Variants in RHOQ observed in about 807,000 individuals in gnomAD.
The protein encoded by RHOQ is rho-related GTP-binding protein RhoQ.
A neutral mutation model predicts 25.8 loss-of-function variants in RHOQ; 7 were observed. The ratio of observed to expected loss-of-function variants is 0.27; its 90% CI spans 0.15 to 0.51. RHOQ has a LOEUF of 0.51. Ranked by LOEUF, RHOQ falls within the 20% of genes least tolerant of loss-of-function variation. RHOQ has a pLI of 0.97. For missense variants in RHOQ, 165 were observed against 260.6 expected (o/e 0.63, Z 2.53); for synonymous variants, 97 against 98.6 (o/e 0.98, Z 0.10).
intron 2 of RHOQ, among the ~76,000 whole-genome samples, chr2:46,561,794 A>G (rs977360101): frequency 6.6e-6 from 1 of 152,154 alleles, no homozygotes; most frequent in Non-Finnish European, 1.5e-5. Flanking sequence ...GGTAGGTCAT[A>G]CTGTCTACCC....
intron 2 of RHOQ, among the ~76,000 whole-genome samples, chr2:46,544,847 A>G (rs1667996148): frequency 1.3e-5 from 2 of 152,262 alleles, no homozygotes; most frequent in Non-Finnish European, 2.9e-5. Context: ...GTTTAAAAAA[A>G]TAAGATGATC....
In RHOQ at chr2:46,576,477, G is replaced by A. The variant is rs1669132790; in HGVS notation, c.367-84G>A. 2.2e-6 allele frequency: 2 copies of A among 920,248 alleles called. No individual in the cohort carries two copies. The highest frequency in any genetic ancestry group is 3.3e-6 in the Non-Finnish European group (2 of 601,342). 57.0% of individuals were successfully genotyped at this position (920,248 alleles called of 1,614,324 possible). On this transcript the variant is annotated intron_variant, in intron 3 of 4. Coordinates refer to ENST00000238738, the MANE Select transcript of RHOQ (RefSeq NM_012249.4). The surrounding 1 kb of genome is among the most constrained non-coding windows in gnomAD (Gnocchi z 5.1). ...CTTTTGTTTAATCTTTTTTTGGTAT[G>A]TGGGAATTAAGTGGGATTACATGCT...
rs1222539895 is a variant in RHOQ, at chr2:46,556,980, G to A, written c.201+13168G>A. 5.3e-5 allele frequency among the ~76,000 whole-genome samples: 8 copies of A among 152,054 alleles called. No homozygotes were observed. The highest frequency in any genetic ancestry group is 4.4e-5 in the Non-Finnish European group (3 of 68,018). On this transcript the variant is annotated intron_variant, in intron 2 of 4. Transcript: ENST00000238738. This position sits in a 1 kb window ranked among gnomAD's most constrained non-coding sequence, Gnocchi z 4.9. ...AGTTAATCTACCATGTAGCCCCAGTGGAAAAATGGACAAGACATAAACCAA... is the reference window on the plus strand; with the variant it reads ...AGTTAATCTACCATGTAGCCCCAGTAGAAAAATGGACAAGACATAAACCAA...
At position 46,583,117 on chromosome 2, in the gene RHOQ, C is replaced by T. The variant is rs1378745252; in HGVS notation, c.*2034C>T. 6.6e-6 allele frequency: 1 copy of T among 152,102 alleles called. No individual in the cohort carries two copies. The highest frequency in any genetic ancestry group is 6.6e-5 in the Admixed American group (1 of 15,256). 9.4% of individuals were successfully genotyped at this position (152,102 alleles called of 1,614,324 possible). On this transcript the variant is annotated 3_prime_UTR_variant, in exon 5 of 5. Coordinates refer to ENST00000238738, the MANE Select transcript of RHOQ (RefSeq NM_012249.4). ...ACAGTAAACTATTACACATTTCCAA[C>T]TTGCCTTTGGGGATTTATGAGGATT...
rs1213666384 is a variant in RHOQ, at chr2:46,552,490, T to A, written c.201+8678T>A. Among the ~76,000 whole-genome samples, 1 of 152,224 alleles carries A rather than the reference T, an allele frequency of 6.6e-6. No individual in the cohort carries two copies. The highest frequency in any genetic ancestry group is 2.4e-5 in the African/African-American group (1 of 41,452). Reference sequence around the variant, plus strand: ...TCCTTTCTCCCTTCAAGGATTTTCTTATTCAGGGGAAGCCTACCTCTGCAA... The same window carrying A: ...TCCTTTCTCCCTTCAAGGATTTTCTAATTCAGGGGAAGCCTACCTCTGCAA... On this transcript the variant is annotated intron_variant, in intron 2 of 4. Coordinates refer to ENST00000238738, the MANE Select transcript of RHOQ (RefSeq NM_012249.4). This position sits in a 1 kb window ranked among gnomAD's most constrained non-coding sequence, Gnocchi z 5.0.
chr2:46,542,523 A>C lies in RHOQ; in HGVS notation c.-524A>C, dbSNP rs944098935. ...GCGCGCCCCTCCGCGCGGCCCTCGC[A>C]GGGAGTGGGGCTCGGGTGCGCCGGC... is the stretch of plus-strand genomic sequence containing the variant. On this transcript the variant is annotated 5_prime_UTR_variant, in exon 1 of 5. Transcript: ENST00000238738. 1.3e-5 allele frequency: 2 copies of C among 149,018 alleles called. No homozygotes were observed. Among genetic ancestry groups the C allele is most frequent in the Non-Finnish European group, 3.0e-5 (2 of 67,296 alleles). 9.2% of individuals were successfully genotyped at this position (149,018 alleles called of 1,614,324 possible). A position where few individuals can be genotyped will look rare whatever the true frequency, so the allele number is the denominator to read the frequency against.
intron 2 of RHOQ, among the ~76,000 whole-genome samples, chr2:46,550,913 A>C (rs1337424947): frequency 6.6e-6 from 1 of 152,140 alleles, no homozygotes; most frequent in African/African-American, 2.4e-5. Context: ...GGTCCACTAC[A>C]CAACTGGGCA....
At chr2:46,550,887 G>T (rs536214633) in intron 2 of RHOQ, among the ~76,000 whole-genome samples, 1 of 152,292 alleles carries the variant, frequency 6.6e-6, no homozygotes, top group South Asian at 2.1e-4. Flanking sequence ...GAAGGTGGGG[G>T]ATCGGGCCAC....
In RHOQ at chr2:46,576,986, G is replaced by C. The variant is rs1291189057; in HGVS notation, c.462+330G>C. The C allele has an allele frequency of 5.2e-6, 1 of 193,166 alleles. No individual in the cohort carries two copies. The highest frequency in any genetic ancestry group is 1.0e-5 in the Non-Finnish European group (1 of 95,446). 12.0% of individuals were successfully genotyped at this position (193,166 alleles called of 1,614,324 possible). ...ATATTTTCCTAAAAAGTCACATATGGAAAAAAGCATCGGAAACACGTGTCA... is the reference window on the plus strand; with the variant it reads ...ATATTTTCCTAAAAAGTCACATATGCAAAAAAGCATCGGAAACACGTGTCA... On this transcript the variant is annotated intron_variant, in intron 4 of 4. Coordinates refer to ENST00000238738, the MANE Select transcript of RHOQ (RefSeq NM_012249.4). This position sits in a 1 kb window ranked among gnomAD's most constrained non-coding sequence, Gnocchi z 5.1.
At chr2:46,565,641 C>T (rs942036810) in intron 2 of RHOQ, among the ~76,000 whole-genome samples, 13 of 152,212 alleles carry the variant, frequency 8.5e-5, no homozygotes, top group African/African-American at 2.9e-4. Context: ...TCCACTTTCT[C>T]AAGCTTTGTA....
intron 2 of RHOQ, among the ~76,000 whole-genome samples, chr2:46,562,710 C>T (rs1668612428): frequency 6.6e-6 from 1 of 152,146 alleles, no homozygotes; most frequent in Non-Finnish European, 1.5e-5. Context: ...TTTTCCCTTC[C>T]CAGCCTTTGA....
chr2:46,547,585 G>A (rs1381106902), intron 2 of RHOQ, among the ~76,000 whole-genome samples: 2 of 152,250 alleles, frequency 1.3e-5, no homozygotes, highest in Non-Finnish European at 2.9e-5. Flanking sequence ...TCCAGGAGCA[G>A]CTGTCACATT....
intron 2 of RHOQ, among the ~76,000 whole-genome samples, chr2:46,545,594 G>T (rs1668019643): frequency 6.6e-6 from 1 of 152,200 alleles, no homozygotes; most frequent in Admixed American, 6.5e-5. Flanking sequence ...AACAGGCTCA[G>T]AGAAGCTAGG....
intron 2 of RHOQ, among the ~76,000 whole-genome samples, chr2:46,546,264 G>A (rs889362239): frequency 5.3e-5 from 8 of 151,236 alleles, no homozygotes; most frequent in African/African-American, 1.2e-4. Context: ...TGTCTGTCTC[G>A]GGTCTCTGTT....
In RHOQ at chr2:46,555,932, G is replaced by C. The variant is rs1366724603; in HGVS notation, c.201+12120G>C. The stretch of plus-strand genomic sequence containing the variant: ...ACGCAAGTAATTACTCAGAGAAATT[G>C]CTGGTGTGTCAAACTGCTTGATATG... On this transcript the variant is annotated intron_variant, in intron 2 of 4. Transcript: ENST00000238738. This position sits in a 1 kb window ranked among gnomAD's most constrained non-coding sequence, Gnocchi z 4.3. Among the ~76,000 whole-genome samples, 3 of 152,194 alleles carry C rather than the reference G, an allele frequency of 2.0e-5. No individual in the cohort carries two copies. The highest frequency in any genetic ancestry group is 2.0e-4 in the Admixed American group (3 of 15,282).
At chr2:46,560,761 A>C in intron 2 of RHOQ, 1 of 304,488 alleles carries the variant, frequency 3.3e-6, no homozygotes, top group Non-Finnish European at 6.9e-6. Flanking sequence ...TGTATAGACC[A>C]TGACTTTTCA....
Position 46,548,901 on chromosome 2 carries a change from G to C in RHOQ, c.201+5089G>C, listed in dbSNP as rs951519414. On this transcript the variant is annotated intron_variant, in intron 2 of 4. Transcript: ENST00000238738. The surrounding 1 kb of genome is among the most constrained non-coding windows in gnomAD (Gnocchi z 5.2). ...TTGTTGACTCCAAAGCCTTTGCTGT[G>C]TTCGCTCCAAAGTCTGAATGCCCTG... 6.6e-6 allele frequency among the ~76,000 whole-genome samples: 1 copy of C among 152,218 alleles called. No individual in the cohort carries two copies. The highest frequency in any genetic ancestry group is 1.5e-5 in the Non-Finnish European group (1 of 68,030).
intron 2 of RHOQ, among the ~76,000 whole-genome samples, chr2:46,545,916 A>G (rs1358946477): frequency 1.3e-5 from 2 of 152,192 alleles, no homozygotes; most frequent in Non-Finnish European, 2.9e-5. Context: ...GTGGAGGATC[A>G]TAAGATATAG....
chr2:46,571,829 G>C (rs1668924454), intron 2 of RHOQ, among the ~76,000 whole-genome samples: 1 of 152,100 alleles, frequency 6.6e-6, no homozygotes, highest in African/African-American at 2.4e-5. Context: ...AAATGTTTTG[G>C]ATATGTATTT....
Sources: allele counts gnomAD v4.1 joint callset (sites outside exome capture counted in the v4.1 genomes callset), GRCh38; gene constraint gnomAD v4.1.1; non-coding constraint Gnocchi (gnomAD v3.1); transcripts MANE v1.5; gene names NCBI Gene and HGNC (gene_info 2026-07-23, HGNC 2026-07-21).